CELF2: variants seen among roughly 807,000 people sequenced by gnomAD.
The protein encoded by CELF2 is CUG triplet repeat RNA-binding protein 2.
CELF2 carries 8 observed loss-of-function variants against 62.6 expected under a neutral mutation model. The ratio of observed to expected loss-of-function variants is 0.13; its 90% CI spans 0.07 to 0.23. CELF2 has a LOEUF of 0.23. Ranked by LOEUF, CELF2 falls within the 10% of genes least tolerant of loss-of-function variation. The probability of loss-of-function intolerance (pLI) is 1.00; values close to 1 mark genes in which losing one functional copy is unlikely to be tolerated. For missense variants in CELF2, 333 were observed against 671.0 expected, an observed-to-expected ratio of 0.50 and a Z score of 5.56; for synonymous variants, 258 against 250.0, an observed-to-expected ratio of 1.03 and a Z score of -0.30.
the CELF2 span, among the ~76,000 whole-genome samples, chr10:10,558,939 A>C: frequency 3.3e-5 from 5 of 152,204 alleles, no homozygotes; most frequent in African/African-American, 9.7e-5. Context: ...ATGTACACTG[A>C]ATTTCCAAGA....
chr10:11,283,674 T>G (rs1590616393), intron 8 of CELF2, among the ~76,000 whole-genome samples: 1 of 149,804 alleles, frequency 6.7e-6, no homozygotes, highest in Non-Finnish European at 1.5e-5. Context: ...AATGGGTGGG[T>G]GGATGATGGA....
chr10:11,122,642 T>C (rs762876430), intron 1 of CELF2, among the ~76,000 whole-genome samples: 13 of 152,230 alleles, frequency 8.5e-5, no homozygotes, highest in Non-Finnish European at 1.5e-4. Flanking sequence ...CCCCCTCCTT[T>C]TAGATTTGTT....
At chr10:10,609,381 T>A in the CELF2 span, among the ~76,000 whole-genome samples, 1 of 133,630 alleles carries the variant, frequency 7.5e-6, no homozygotes, top group Non-Finnish European at 1.5e-5. Flanking sequence ...GAGGCCGGAA[T>A]AAGAGAATTG....
chr10:11,273,710 GTTTTGTTT>G (rs967880065), intron 7 of CELF2, among the ~76,000 whole-genome samples: 21 of 142,334 alleles, frequency 1.5e-4, no homozygotes, highest in South Asian at 2.2e-4. Flanking sequence ...AATTCTGAAA[GTTTTGTTT>G]TTTTGTTTTT....
chr10:10,997,244 G>A lies in CELF2; in HGVS notation c.89+77245G>A, dbSNP rs968749842. Among the ~76,000 whole-genome samples, 8 of 152,176 alleles carry A rather than the reference G, an allele frequency of 5.3e-5. No homozygotes were observed. The highest frequency in any genetic ancestry group is 1.9e-4 in the African/African-American group (8 of 41,432). On this transcript the variant is annotated intron_variant, in intron 2 of 13. Coordinates refer to the CELF2 transcript ENST00000636488. This position sits in a 1 kb window ranked among gnomAD's most constrained non-coding sequence, Gnocchi z 5.3. The stretch of plus-strand genomic sequence containing the variant: ...TACGGGATGGCTCTCATAGCTAAGT[G>A]ATGCAAGCCTTTGTGCCACTGCACT...
chr10:11,162,471 GT>G (rs1379809231), intron 1 of CELF2, among the ~76,000 whole-genome samples: 4 of 152,190 alleles, frequency 2.6e-5, no homozygotes, highest in African/African-American at 9.7e-5. Context: ...AGGGCAGGTA[GT>G]TTGGCAAGGA....
chr10:11,283,969 G>T (rs2090060104), intron 8 of CELF2, among the ~76,000 whole-genome samples: 1 of 50,416 alleles, frequency 2.0e-5, no homozygotes, highest in Admixed American at 1.9e-4. Context: ...TGTGGTGGGT[G>T]GATGACGGAT....
chr10:11,252,084 C>T (rs1426615311), intron 4 of CELF2, among the ~76,000 whole-genome samples: 1 of 152,208 alleles, frequency 6.6e-6, no homozygotes, highest in Non-Finnish European at 1.5e-5. Context: ...GCTTTTCTTT[C>T]CAGAGGCCCA....
chr10:11,332,755 A>C lies in CELF2; in HGVS notation c.*3702A>C, dbSNP rs1343571980. ...GCCTCTACTGATGCAAAAAAACAAAAAGCAACACAAACGTTTCCTTCTTAT... is the reference window on the plus strand; with the variant it reads ...GCCTCTACTGATGCAAAAAAACAAACAGCAACACAAACGTTTCCTTCTTAT... On this transcript the variant is annotated 3_prime_UTR_variant, in exon 13 of 13. Transcript: ENST00000633077. 6.6e-6 allele frequency: 1 copy of C among 152,316 alleles called. No individual in the cohort carries two copies. The highest frequency in any genetic ancestry group is 1.5e-5 in the Non-Finnish European group (1 of 68,082). The allele number at this position is 152,316 out of a possible 1,614,324, so 9.4% of individuals were successfully genotyped here.
At chr10:11,289,195 TA>T (rs1565796147) in intron 9 of CELF2, among the ~76,000 whole-genome samples, 1 of 152,166 alleles carries the variant, frequency 6.6e-6, no homozygotes, top group Non-Finnish European at 1.5e-5. Flanking sequence ...TTTTTTAATT[TA>T]AAAAAGTCGA....
chr10:10,815,050 T>C (rs2056321256), intron 1 of CELF2, among the ~76,000 whole-genome samples: 1 of 152,166 alleles, frequency 6.6e-6, no homozygotes, highest in African/African-American at 2.4e-5. Flanking sequence ...GAGTGAGAAT[T>C]ATAGAAGAAT....
chr10:10,504,920 T>C, the CELF2 span, among the ~76,000 whole-genome samples: 36 of 152,150 alleles, frequency 2.4e-4, no homozygotes, highest in Middle Eastern at 6.8e-3. Context: ...TGAAGCTTTC[T>C]TTTTTTTCCA....
At chr10:10,998,689 C>G (rs746592524) in intron 2 of CELF2, among the ~76,000 whole-genome samples, 5 of 152,144 alleles carry the variant, frequency 3.3e-5, no homozygotes, top group Non-Finnish European at 5.9e-5. Flanking sequence ...GTGACACCAG[C>G]TCTTGGGGCT....
intron 1 of CELF2, among the ~76,000 whole-genome samples, chr10:11,101,162 T>G (rs2051503302): frequency 6.6e-6 from 1 of 152,146 alleles, no homozygotes; most frequent in African/African-American, 2.4e-5. Flanking sequence ...ACTGGTGTAC[T>G]TGAATGAATG....
the CELF2 span, among the ~76,000 whole-genome samples, chr10:10,520,818 C>G: frequency 2.6e-5 from 4 of 152,090 alleles, no homozygotes; most frequent in Non-Finnish European, 4.4e-5. Flanking sequence ...CTATTATGCT[C>G]TAGGCTTCAC....
At chr10:10,716,945 A>G in the CELF2 span, among the ~76,000 whole-genome samples, 1 of 152,232 alleles carries the variant, frequency 6.6e-6, no homozygotes, top group Non-Finnish European at 1.5e-5. Flanking sequence ...GTAATTTAAT[A>G]GAGCAGATAA....
chr10:11,032,001 A>C (rs1382524167), intron 1 of CELF2, among the ~76,000 whole-genome samples: 1 of 152,134 alleles, frequency 6.6e-6, no homozygotes, highest in Non-Finnish European at 1.5e-5. Context: ...CCACCCTGTG[A>C]AACAAACACA....
chr10:10,719,434 G>A, the CELF2 span, among the ~76,000 whole-genome samples: 1 of 151,814 alleles, frequency 6.6e-6, no homozygotes, highest in Admixed American at 6.6e-5. Context: ...AATTTTTTTT[G>A]TTGTTGTTTT....
intron 1 of CELF2, among the ~76,000 whole-genome samples, chr10:11,138,477 C>T (rs965802397): frequency 6.6e-6 from 1 of 152,146 alleles, no homozygotes; most frequent in Non-Finnish European, 1.5e-5. Flanking sequence ...GGGTCTCTTC[C>T]TTGACAGACT....
Sources: gnomAD v4.1 joint callset for allele counts (sites outside exome capture counted in the v4.1 genomes callset) on GRCh38, gnomAD v4.1.1 for gene constraint, Gnocchi (gnomAD v3.1) non-coding constraint, MANE v1.5 for transcripts, NCBI Gene and HGNC (gene_info 2026-07-23, HGNC 2026-07-21) for gene names.